The following MYBPHL variants were observed in gnomAD, a reference collection of about 807,000 sequenced individuals.
MYBPHL encodes the protein myosin-binding protein H-like.
Under a neutral mutation model 39.5 loss-of-function variants are expected in MYBPHL, and 32 were observed. The observed-to-expected ratio is 0.81, with a 90% CI of 0.61 to 1.09. The LOEUF is 1.09. Among genes scored for constraint, MYBPHL ranks in the 50% least tolerant of loss-of-function variants. The pLI is 0.00. For synonymous variants in MYBPHL, 196 were observed against 183.7 expected (o/e 1.07, Z -0.54); for missense variants, 456 against 460.2 (o/e 0.99, Z 0.08).
chr1:109,302,037 G>C (rs1323535533), intron 1 of MYBPHL, among the ~76,000 whole-genome samples: 1 of 151,940 alleles, frequency 6.6e-6, no homozygotes, highest in East Asian at 1.9e-4. Context: ...GTTTGTATGA[G>C]TGTGTATGTA....
intron 1 of MYBPHL, among the ~76,000 whole-genome samples, chr1:109,305,352 T>A (rs2101492924): frequency 6.6e-6 from 1 of 152,334 alleles, no homozygotes; most frequent in Non-Finnish European, 1.5e-5. Flanking sequence ...TGCCAGTGAC[T>A]TCTGGGATAC....
chr1:109,297,690 GT>G, intron 2 of MYBPHL, 73 bp from the exon 3 acceptor site: 1 of 1,364,184 alleles, frequency 7.3e-7, no homozygotes, highest in South Asian at 1.4e-5. Flanking sequence ...TAGGGGTCCT[GT>G]CCACCCCAGG....
chr1:109,306,147 C>A (rs1658458629), intron 1 of MYBPHL, among the ~76,000 whole-genome samples: 3 of 152,146 alleles, frequency 2.0e-5, no homozygotes, highest in African/African-American at 7.2e-5. Flanking sequence ...GTGAGCGCCA[C>A]GAAGTGGTTA....
At chr1:109,301,547 C>A (rs1431854847) in intron 1 of MYBPHL, among the ~76,000 whole-genome samples, 3 of 152,098 alleles carry the variant, frequency 2.0e-5, no homozygotes, top group Non-Finnish European at 4.4e-5. Context: ...TCAAGACCAG[C>A]CTGGTCAACA....
intron 2 of MYBPHL, 70 bp downstream of exon 2, chr1:109,298,099 G>T: frequency 7.7e-7 from 1 of 1,300,678 alleles, no homozygotes; most frequent in Non-Finnish European, 1.1e-6. Flanking sequence ...AGGACTCTTG[G>T]TATCTGTTTC....
In MYBPHL at chr1:109,296,347, AC is replaced by A; in HGVS notation, c.753del (p.Phe252LeufsTer44). 6 of 1,613,968 alleles carry A rather than the reference AC, an allele frequency of 3.7e-6. No homozygotes were observed. The highest frequency in any genetic ancestry group is 1.3e-5 in the African/African-American group (1 of 74,964). Reference sequence around the variant, plus strand: ...GCTTCAGAGAAGTCTCGTTGGGCAAACCCCTTGGTCTTGTAAACAGTAGCTG... The same window carrying A: ...GCTTCAGAGAAGTCTCGTTGGGCAAACCCTTGGTCTTGTAAACAGTAGCTG... ...QKAATVYKTK[G>X]FAQRDFSEAP... On this transcript the variant is annotated frameshift_variant, in exon 6 of 9. Coordinates refer to ENST00000357155, the MANE Select transcript of MYBPHL (RefSeq NM_001010985.3). LOFTEE classifies it high-confidence loss of function.
At chr1:109,295,005 GA>G in intron 7 of MYBPHL, 105 bp downstream of exon 7, 1 of 1,079,422 alleles carries the variant, frequency 9.3e-7, no homozygotes, top group Non-Finnish European at 1.3e-6. Flanking sequence ...TCCAGCGGAG[GA>G]ACCCCTTCTC....
At chr1:109,302,860 C>G (rs74544941) in intron 1 of MYBPHL, among the ~76,000 whole-genome samples, 315 of 152,310 alleles carry the variant, frequency 2.1e-3, no homozygotes, top group African/African-American at 6.9e-3. Context: ...AGTGGCTGCC[C>G]GGCCACCTTT....
intron 1 of MYBPHL, among the ~76,000 whole-genome samples, chr1:109,303,383 T>G (rs1658359327): frequency 6.6e-6 from 1 of 152,228 alleles, no homozygotes; most frequent in Non-Finnish European, 1.5e-5. Context: ...TTGACTTCAT[T>G]GCACTCTCTT....
intron 1 of MYBPHL, among the ~76,000 whole-genome samples, chr1:109,302,517 C>T (rs1157932719): frequency 6.6e-6 from 1 of 152,150 alleles, no homozygotes; most frequent in Non-Finnish European, 1.5e-5. Flanking sequence ...AGTCGTCCCC[C>T]TAGTGCTTGA....
rs59376361 is a variant in MYBPHL at position 109,293,740 on chromosome 1, A to AAAATAAATAAAT, written c.*33+454_*33+465dup. ...GGGCGACAAAGCGAGACTCTGTCTC[A>AAAATAAATAAAT]AAATAAATAAATAAATAAATAAATA... On this transcript the variant is annotated intron_variant, in intron 8 of 8. Transcript: ENST00000357155. Among the ~76,000 whole-genome samples, 573 of 144,654 alleles carry AAAATAAATAAAT rather than the reference A, an allele frequency of 4.0e-3. 1 individual carries two copies. The highest frequency in any genetic ancestry group is 0.018 in the South Asian group (81 of 4,460). 94.9% of individuals were successfully genotyped at this position (144,654 alleles called of 152,430 possible).
Position 109,296,286 on chromosome 1 carries a change from G to A in MYBPHL, c.815C>T (p.Thr272Ile), listed in dbSNP as rs910406746. Residue 272 changes from threonine to isoleucine, a missense_variant, in exon 6 of 9, where the codon ACA (threonine) becomes ATA (isoleucine). Physicochemically the swap from Thr to Ile is moderately conservative, Grantham distance 89. Transcript: ENST00000357155. The part of the protein sequence containing the change: ...KFTQPLADCT[T>I]VTGYNTQLFC... ...GAGCTGGGTATTATAGCCGGTGACT[G>A]TAGTGCAGTCGGCCAGAGGCTGGGT... 4 of 1,614,116 alleles carry A rather than the reference G, an allele frequency of 2.5e-6. 1 individual carries two copies. In the Middle Eastern group the frequency reaches 5.0e-4, roughly 200 times the overall value.
intron 1 of MYBPHL, among the ~76,000 whole-genome samples, chr1:109,300,483 G>A (rs766649521): frequency 2.6e-5 from 4 of 152,198 alleles, no homozygotes; most frequent in Non-Finnish European, 4.4e-5. Context: ...AGAAGTGCCC[G>A]CTGAGCCCCG....
In MYBPHL at chr1:109,297,529, G is replaced by A. The variant is rs1046623306; in HGVS notation, c.323C>T (p.Ser108Phe). 6.2e-7 allele frequency: 1 copy of A among 1,613,870 alleles called. No individual in the cohort carries two copies. The highest frequency in any genetic ancestry group is 8.5e-7 in the Non-Finnish European group (1 of 1,180,036). ...TTGGGCTTCTCGGATGAAGAGGATG[G>A]AGTCTTGCTCCCCATTCCGCACACT... ...RVSVRNGEQDSILFIREAQRA... is the reference protein window; with the variant it reads ...RVSVRNGEQDFILFIREAQRA... Residue 108 changes from serine (S) to phenylalanine (F), a missense_variant, in exon 3 of 9, where the codon TCC becomes TTC. By Grantham distance (155) the Ser-to-Phe change is radical. Transcript: ENST00000357155.
chr1:109,295,972 G>A (rs630395), intron 6 of MYBPHL, among the ~76,000 whole-genome samples: 144,575 of 152,278 alleles, frequency 0.95, 69,067 homozygotes, highest in East Asian at 1. Flanking sequence ...AACAACTTGA[G>A]GCGCATGCCT....
intron 6 of MYBPHL, among the ~76,000 whole-genome samples, chr1:109,295,727 T>C (rs1392968994): frequency 2.6e-5 from 4 of 152,200 alleles, no homozygotes; most frequent in Non-Finnish European, 5.9e-5. Flanking sequence ...TCTGAGATGT[T>C]ATCTCCATGT....
intron 8 of MYBPHL, 74 bp downstream of exon 8, chr1:109,294,130 CCT>C (rs765197141): frequency 2.4e-5 from 24 of 987,744 alleles, no homozygotes; most frequent in Non-Finnish European, 3.9e-5. Flanking sequence ...CAGGAATGCA[CCT>C]CTGTCCCTGA....
chr1:109,299,752 C>A (rs1258468407), intron 1 of MYBPHL, among the ~76,000 whole-genome samples: 1 of 152,240 alleles, frequency 6.6e-6, no homozygotes, highest in Admixed American at 6.5e-5. Flanking sequence ...CCCGTCCTCC[C>A]TGCCCTGCTC....
intron 8 of MYBPHL, among the ~76,000 whole-genome samples, chr1:109,293,916 TAGC>T (rs1657958990): frequency 2.0e-5 from 3 of 151,680 alleles, no homozygotes; most frequent in Admixed American, 2.0e-4. Context: ...GTAGAAAAAT[TAGC>T]CGGGCATGGT....
Sources: gnomAD v4.1 joint callset for allele counts (sites outside exome capture counted in the v4.1 genomes callset) on GRCh38, gnomAD v4.1.1 for gene constraint, MANE v1.5 for transcripts, NCBI Gene and HGNC (gene_info 2026-07-23, HGNC 2026-07-21) for gene names.